The following SMG7 variants were observed in gnomAD, a reference collection of about 807,000 sequenced individuals.
SMG7 encodes the protein nonsense-mediated mRNA decay factor SMG7.
Under a neutral mutation model 148.2 loss-of-function variants are expected in SMG7, and 34 were observed. That is an observed-to-expected ratio of 0.23 (90% CI 0.17 to 0.31). SMG7 has a LOEUF of 0.31. SMG7 is among the 10% of genes least tolerant of loss of function. SMG7 has a pLI of 1.00. For missense variants in SMG7, 1,114 were observed against 1,408.4 expected (o/e 0.79, Z 3.35); for synonymous variants, 492 against 515.1 (o/e 0.96, Z 0.61).
intron 12 of SMG7, among the ~76,000 whole-genome samples, chr1:183,538,926 A>G (rs552580762): frequency 1.7e-3 from 257 of 152,168 alleles, no homozygotes; most frequent in Admixed American, 2.3e-3. Context: ...CAGGTGAATC[A>G]TGAGGTCAGG....
At chr1:183,486,447 G>T (rs1015380692) in intron 1 of SMG7, among the ~76,000 whole-genome samples, 1 of 152,132 alleles carries the variant, frequency 6.6e-6, no homozygotes, top group Non-Finnish European at 1.5e-5. Flanking sequence ...TTCTTACTTT[G>T]TTGCCCAAAC....
chr1:183,518,611 C>T (rs952995755), intron 4 of SMG7: 1 of 152,106 alleles, frequency 6.6e-6, no homozygotes, highest in Non-Finnish European at 1.5e-5. Context: ...GAATAATAAG[C>T]TATTATTCAT....
At chr1:183,473,349 T>G (rs554658253) in intron 1 of SMG7, among the ~76,000 whole-genome samples, 1 of 151,560 alleles carries the variant, frequency 6.6e-6, no homozygotes, top group East Asian at 1.9e-4. Context: ...ATTCTGAGAG[T>G]CGTGTGTATT....
intron 1 of SMG7, among the ~76,000 whole-genome samples, chr1:183,489,027 A>G (rs189245985): frequency 7.1e-4 from 108 of 152,106 alleles, no homozygotes; most frequent in African/African-American, 2.5e-3. Context: ...TCTTTTTGAT[A>G]TAGTTCATGA....
At chr1:183,532,183 G>A (rs1291869530) in intron 8 of SMG7, among the ~76,000 whole-genome samples, 1 of 152,182 alleles carries the variant, frequency 6.6e-6, no homozygotes, top group Non-Finnish European at 1.5e-5. Flanking sequence ...AGAGACAGCT[G>A]TAAGTTTCTG....
At chr1:183,549,492 A>C (rs564129284) in intron 19 of SMG7, among the ~76,000 whole-genome samples, 5 of 152,302 alleles carry the variant, frequency 3.3e-5, no homozygotes, top group Non-Finnish European at 4.4e-5. Flanking sequence ...CTTCTCATTA[A>C]TATTGAAACC....
At position 183,552,846 on chromosome 1, in the gene SMG7, T is replaced by A; in HGVS notation, c.*915T>A. 1 of 1,433,564 alleles carries A rather than the reference T, an allele frequency of 7.0e-7. No homozygotes were observed. Among genetic ancestry groups the A allele is most frequent in the East Asian group, 2.5e-5 (1 of 39,980 alleles). The allele number at this position is 1,433,564 out of a possible 1,614,324, so 88.8% of individuals were successfully genotyped here. The stretch of plus-strand genomic sequence containing the variant: ...AGAAGCTTTCAGTGTGGTTATTTTT[T>A]CTTTGGTTGGTTTTTGTGCCCCCAT... On this transcript the variant is annotated 3_prime_UTR_variant, in exon 23 of 23. Coordinates refer to ENST00000688051, the MANE Select transcript of SMG7 (RefSeq NM_001375584.1).
At chr1:183,510,150 G>A (rs1661805893) in intron 1 of SMG7, among the ~76,000 whole-genome samples, 1 of 152,052 alleles carries the variant, frequency 6.6e-6, no homozygotes, top group South Asian at 2.1e-4. Flanking sequence ...AGCTAACATA[G>A]GGAAGCATAG....
At chr1:183,502,020 T>G (rs1179719932) in intron 1 of SMG7, among the ~76,000 whole-genome samples, 1 of 152,178 alleles carries the variant, frequency 6.6e-6, no homozygotes, top group Non-Finnish European at 1.5e-5. Flanking sequence ...TTTCAGACAG[T>G]GAGGAACATT....
At chr1:183,482,349 A>G (rs1268775883) in intron 1 of SMG7, among the ~76,000 whole-genome samples, 1 of 152,070 alleles carries the variant, frequency 6.6e-6, no homozygotes, top group Admixed American at 6.6e-5. Context: ...CAAGAGAGAA[A>G]GATTTATATA....
intron 15 of SMG7, 60 bp from the exon 16 acceptor site, chr1:183,544,870 C>CT (rs902515227): frequency 5.6e-5 from 86 of 1,548,120 alleles, no homozygotes; most frequent in Middle Eastern, 1.7e-4. Flanking sequence ...AAAAAAATGA[C>CT]TTTTTTTGCA....
chr1:183,483,654 A>C (rs1237556294), intron 1 of SMG7, among the ~76,000 whole-genome samples: 1 of 152,190 alleles, frequency 6.6e-6, no homozygotes, highest in East Asian at 1.9e-4. Context: ...TTGTACTTTT[A>C]ACATCTAATT....
chr1:183,521,777 G>C (rs577878900), intron 4 of SMG7, among the ~76,000 whole-genome samples: 40 of 150,926 alleles, frequency 2.7e-4, no homozygotes, highest in African/African-American at 9.0e-4. Context: ...GAGGCAGGAG[G>C]ATCACTTGAG....
chr1:183,524,527 A>G (rs1665430187), intron 4 of SMG7, among the ~76,000 whole-genome samples: 2 of 152,154 alleles, frequency 1.3e-5, no homozygotes. Context: ...CGCAGAATTT[A>G]TATTTAGTTA....
intron 18 of SMG7, among the ~76,000 whole-genome samples, chr1:183,548,605 G>A (rs1003508373): frequency 6.6e-5 from 10 of 152,014 alleles, no homozygotes; most frequent in African/African-American, 1.7e-4. Context: ...TTCTCTTGTC[G>A]TAGGTATTTA....
At chr1:183,538,513 G>C in intron 12 of SMG7, 73 bp downstream of exon 12, 1 of 1,005,198 alleles carries the variant, frequency 9.9e-7, no homozygotes, top group East Asian at 2.4e-5. Flanking sequence ...ATTGGGCTTG[G>C]ATGTAGAGGA....
chr1:183,510,850 C>G lies in SMG7; in HGVS notation c.30-1987C>G, dbSNP rs535725652. 5.3e-5 allele frequency among the ~76,000 whole-genome samples: 8 copies of G among 152,018 alleles called. No individual in the cohort carries two copies. In the South Asian group the frequency reaches 1.7e-3, roughly 32 times the overall value. ...ACCTTAATATTCTCTAGCTTTCATG[C>G]TAAAAGTGCAGGCGCCTGTAGTCCC... is the stretch of plus-strand genomic sequence containing the variant. On this transcript the variant is annotated intron_variant, in intron 1 of 22. Transcript: ENST00000688051.
rs59379855 is a variant in SMG7 at position 183,512,808 on chromosome 1, CTTTTTTTT to C, written c.30-16_30-9del. ...GCCTCGTTTGTTTCTAACTGATACT[CTTTTTTTT>C]TTTTTTTTTTTTCTATCTAGGCAGG... On this transcript the variant is annotated intron_variant, in intron 1 of 22. Transcript: ENST00000688051. The C allele has an allele frequency of 2.0e-5, 26 of 1,279,294 alleles. No individual in the cohort carries two copies. In the East Asian group the frequency reaches 2.8e-4, roughly 14 times the overall value. 79.2% of individuals were successfully genotyped at this position (1,279,294 alleles called of 1,614,324 possible). A position where few individuals can be genotyped will look rare whatever the true frequency, so the allele number is the denominator to read the frequency against.
At chr1:183,509,701 C>T (rs1190218586) in intron 1 of SMG7, among the ~76,000 whole-genome samples, 1 of 152,116 alleles carries the variant, frequency 6.6e-6, no homozygotes, top group Admixed American at 6.5e-5. Flanking sequence ...CAGAAATGAG[C>T]GCCTCTACCC....
Sources: allele counts gnomAD v4.1 joint callset (sites outside exome capture counted in the v4.1 genomes callset), GRCh38; gene constraint gnomAD v4.1.1; transcripts MANE v1.5; gene names NCBI Gene and HGNC (gene_info 2026-07-23, HGNC 2026-07-21).